TRIQK: variants seen among roughly 807,000 people sequenced by gnomAD.
TRIQK encodes the protein triple QxxK/R motif containing.
A neutral mutation model predicts 10.8 loss-of-function variants in TRIQK; 10 were observed. The observed-to-expected ratio is 0.92, with a 90% CI of 0.57 to 1.57. The LOEUF is 1.57. Ranked by LOEUF, TRIQK falls within the 40% of genes most tolerant of loss-of-function variation. The pLI, the probability that TRIQK is intolerant of heterozygous loss-of-function variation, is 0.00. For synonymous variants in TRIQK, 33 were observed against 33.7 expected, an observed-to-expected ratio of 0.98 and a Z score of 0.07; for missense variants, 107 against 97.7, an observed-to-expected ratio of 1.09 and a Z score of -0.40.
chr8:92,964,455 T>G (rs1812625055), intron 1 of TRIQK, among the ~76,000 whole-genome samples: 1 of 117,716 alleles, frequency 8.5e-6, no homozygotes, highest in Non-Finnish European at 1.9e-5. Context: ...TTCAGGTATA[T>G]ATATATATCT....
chr8:92,913,502 C>G lies in TRIQK; in HGVS notation c.61+3427G>C, dbSNP rs149811187. Among the ~76,000 whole-genome samples the G allele has an allele frequency of 6.1e-3, 923 of 152,176 alleles. 9 individuals carry two copies. The highest frequency in any genetic ancestry group is 0.021 in the African/African-American group (862 of 41,530). Reference sequence around the variant, plus strand: ...TGGAGAGGATGTGGAGAAATAGGAACGCTTTTACACTGTTGGTGGGAGTGC... The same window carrying G: ...TGGAGAGGATGTGGAGAAATAGGAAGGCTTTTACACTGTTGGTGGGAGTGC... On this transcript the variant is annotated intron_variant, in intron 3 of 4. Transcript: ENST00000521988.
chr8:92,974,985 AG>A (rs899566295), intron 1 of TRIQK, among the ~76,000 whole-genome samples: 28 of 152,190 alleles, frequency 1.8e-4, no homozygotes, highest in Admixed American at 5.9e-4. Flanking sequence ...CTTTGGTTTC[AG>A]GGTTCCATTC....
chr8:92,897,608 C>A (rs183714705), intron 3 of TRIQK, among the ~76,000 whole-genome samples: 1 of 152,210 alleles, frequency 6.6e-6, no homozygotes, highest in Admixed American at 6.5e-5. Context: ...TTTGACTTTC[C>A]AGACTCCAGA....
At chr8:92,945,794 TAATTATC>T (rs1811501049) in intron 2 of TRIQK, among the ~76,000 whole-genome samples, 2 of 152,174 alleles carry the variant, frequency 1.3e-5, no homozygotes, top group African/African-American at 4.8e-5. Flanking sequence ...AAAATACAGT[TAATTATC>T]AATTAAGTTA....
In TRIQK at chr8:92,966,062, T is replaced by C. The variant is rs992436810; in HGVS notation, c.-236A>G. Reference sequence around the variant, plus strand: ...CTTCGTGTCCTGTGGGAAATGTTGCTGTCCACGGTTCTGTCACTCAGGGGC... The same window carrying C: ...CTTCGTGTCCTGTGGGAAATGTTGCCGTCCACGGTTCTGTCACTCAGGGGC... On this transcript the variant is annotated 5_prime_UTR_variant, in exon 1 of 5. Coordinates refer to ENST00000521988, the MANE Select transcript of TRIQK (RefSeq NM_001171797.2). 6.6e-6 allele frequency: 1 copy of C among 152,660 alleles called. No homozygotes were observed. The highest frequency in any genetic ancestry group is 6.5e-5 in the Admixed American group (1 of 15,298). The allele number at this position is 152,660 out of a possible 1,614,324, so 9.5% of individuals were successfully genotyped here. A position where few individuals can be genotyped will look rare whatever the true frequency, so the allele number is the denominator to read the frequency against.
At chr8:93,010,515 C>A (rs1186307474) in intron 1 of TRIQK, among the ~76,000 whole-genome samples, 1 of 151,906 alleles carries the variant, frequency 6.6e-6, no homozygotes, top group Non-Finnish European at 1.5e-5. Context: ...AAAATAAGTA[C>A]AAATTATAAT....
intron 2 of TRIQK, among the ~76,000 whole-genome samples, chr8:92,920,326 T>A (rs1157303529): frequency 6.6e-6 from 1 of 151,668 alleles, no homozygotes; most frequent in Non-Finnish European, 1.5e-5. Context: ...AAGTTGTTCC[T>A]CATTCCTTCT....
intron 1 of TRIQK, among the ~76,000 whole-genome samples, chr8:92,956,492 A>C (rs1254797563): frequency 6.6e-6 from 1 of 151,820 alleles, no homozygotes; most frequent in African/African-American, 2.4e-5. Flanking sequence ...TATTGTAAAA[A>C]TTCCTGAATT....
intron 2 of TRIQK, among the ~76,000 whole-genome samples, chr8:92,936,374 G>A (rs1810988894): frequency 6.6e-6 from 1 of 151,462 alleles, no homozygotes; most frequent in South Asian, 2.1e-4. Context: ...GGAAAATACT[G>A]ACAGACCTCA....
chr8:92,982,376 T>C (rs946743046), intron 1 of TRIQK, among the ~76,000 whole-genome samples: 7 of 152,058 alleles, frequency 4.6e-5, no homozygotes, highest in African/African-American at 1.7e-4. Flanking sequence ...ATGTATTACG[T>C]GTTTCTTATG....
Position 92,991,519 on chromosome 8 carries a change from G to A in TRIQK, c.-181+26090C>T, listed in dbSNP as rs568437628. On this transcript the variant is annotated intron_variant, in intron 1 of 4. Coordinates refer to the TRIQK transcript ENST00000520686. The stretch of plus-strand genomic sequence containing the variant: ...TGGAATGTATCTCAAAATAATAAGA[G>A]CTATTAATGACAAACCCACAGCCAA... 5.3e-5 allele frequency among the ~76,000 whole-genome samples: 8 copies of A among 152,248 alleles called. No homozygotes were observed. In the East Asian group the frequency reaches 1.5e-3, roughly 29 times the overall value.
chr8:92,927,129 C>CA (rs928695894), intron 2 of TRIQK, among the ~76,000 whole-genome samples: 31 of 151,582 alleles, frequency 2.0e-4, no homozygotes, highest in Non-Finnish European at 2.5e-4. Context: ...TAACCTATTA[C>CA]AAAAAAAATG....
upstream of TRIQK, among the ~76,000 whole-genome samples, chr8:92,968,961 T>C (rs1812846516): frequency 6.6e-6 from 1 of 152,214 alleles, no homozygotes; most frequent in Non-Finnish European, 1.5e-5. Flanking sequence ...TTCATTCATC[T>C]TGAGTTAATA....
intron 4 of TRIQK, 110 bp from the exon 5 acceptor site, chr8:92,886,845 T>A: frequency 1.6e-6 from 1 of 642,882 alleles, no homozygotes; most frequent in South Asian, 2.0e-5. Context: ...AATGAATAAT[T>A]TGAACCTAAT....
chr8:93,000,498 C>T (rs1432131648), intron 1 of TRIQK, among the ~76,000 whole-genome samples: 2 of 152,122 alleles, frequency 1.3e-5, no homozygotes, highest in Non-Finnish European at 2.9e-5. Context: ...AAAGCCTGTT[C>T]CAATGATTCA....
At chr8:92,966,177 C>T (rs1012799131), upstream of TRIQK, 1 of 152,296 alleles carries the variant, frequency 6.6e-6, no homozygotes, top group African/African-American at 2.4e-5. Flanking sequence ...GGGACCAGGC[C>T]TCAGCCTGCT....
chr8:92,898,168 G>T (rs902258267), intron 3 of TRIQK, among the ~76,000 whole-genome samples: 1 of 152,080 alleles, frequency 6.6e-6, no homozygotes, highest in Non-Finnish European at 1.5e-5. Flanking sequence ...CAGAGAAAGG[G>T]CTCTTCACAC....
intron 4 of TRIQK, among the ~76,000 whole-genome samples, chr8:92,888,733 A>G (rs1316288277): frequency 6.6e-6 from 1 of 151,622 alleles, no homozygotes; most frequent in Non-Finnish European, 1.5e-5. Flanking sequence ...AAGCTGGCTC[A>G]TCCCAAGGGG....
At chr8:93,004,488 G>A (rs1489634403) in intron 1 of TRIQK, among the ~76,000 whole-genome samples, 1 of 152,204 alleles carries the variant, frequency 6.6e-6, no homozygotes, top group African/African-American at 2.4e-5. Flanking sequence ...TGCCCTGGAG[G>A]TATCTTCTCC....
Sources: allele counts gnomAD v4.1 joint callset (sites outside exome capture counted in the v4.1 genomes callset), GRCh38; gene constraint gnomAD v4.1.1; transcripts MANE v1.5; gene names NCBI Gene and HGNC (gene_info 2026-07-23, HGNC 2026-07-21).